Variants in KCNH5 observed in about 807,000 individuals in gnomAD.
KCNH5 encodes potassium voltage-gated channel subfamily H member 5.
Under a neutral mutation model 96.1 loss-of-function variants are expected in KCNH5, and 46 were observed. The ratio of observed to expected loss-of-function variants is 0.48; its 90% CI spans 0.38 to 0.61. The LOEUF (loss-of-function observed/expected upper bound fraction) is 0.61. KCNH5 is among the 20% of genes least tolerant of loss of function. KCNH5 has a pLI of 0.00. For missense variants in KCNH5, 907 were observed against 1,225.8 expected (o/e 0.74, Z 3.88); for synonymous variants, 439 against 449.8 (o/e 0.98, Z 0.30).
rs111671029 is a variant in KCNH5 at position 62,879,876 on chromosome 14, A to G, written c.1370-30024T>C. On this transcript the variant is annotated intron_variant, in intron 7 of 10. Coordinates refer to ENST00000322893, the MANE Select transcript of KCNH5 (RefSeq NM_139318.5). ...CATTATACAAAAGCAAATGTCATCC[A>G]TGTCTTCTAATCATAACACAGTCTA... Among the ~76,000 whole-genome samples the G allele has an allele frequency of 2.4e-4, 37 of 152,246 alleles. 2 individuals are homozygous for G. The highest frequency in any genetic ancestry group is 7.7e-4 in the African/African-American group (32 of 41,560).
chr14:63,038,269 C>T (rs1891759131), intron 1 of KCNH5, among the ~76,000 whole-genome samples: 1 of 152,192 alleles, frequency 6.6e-6, no homozygotes. Flanking sequence ...CGAATACTTA[C>T]TGCTATGTGC....
chr14:62,777,653 T>A (rs1030908598), intron 10 of KCNH5, among the ~76,000 whole-genome samples: 1 of 152,188 alleles, frequency 6.6e-6, no homozygotes, highest in Non-Finnish European at 1.5e-5. Context: ...ACACCAGTTA[T>A]AACAGGAAAC....
intron 7 of KCNH5, among the ~76,000 whole-genome samples, chr14:62,923,749 G>GA (rs1344696902): frequency 6.6e-6 from 1 of 151,824 alleles, no homozygotes; most frequent in African/African-American, 2.4e-5. Context: ...ATTGTTTTGG[G>GA]AAAACTAGTT....
In KCNH5 at chr14:62,760,237, A is replaced by C. The variant is rs553990231; in HGVS notation, c.2019+19491T>G. On this transcript the variant is annotated intron_variant, in intron 10 of 10. Transcript: ENST00000322893. ...GCACTAGGAAACACTCTTTTTTCAC[A>C]CGAGAATGAGTACATAACTTCCTAT... Among the ~76,000 whole-genome samples the C allele has an allele frequency of 2.1e-4, 32 of 152,166 alleles. No individual in the cohort carries two copies. In the South Asian group the frequency reaches 6.6e-3, roughly 32 times the overall value.
At chr14:62,823,371 G>A (rs138300110) in intron 8 of KCNH5, among the ~76,000 whole-genome samples, 1 of 152,096 alleles carries the variant, frequency 6.6e-6, no homozygotes, top group Admixed American at 6.6e-5. Flanking sequence ...AAGCTCATAC[G>A]TTGCCCTGAT....
At chr14:62,754,064 T>C (rs1218782680) in intron 10 of KCNH5, among the ~76,000 whole-genome samples, 1 of 152,122 alleles carries the variant, frequency 6.6e-6, no homozygotes, top group Non-Finnish European at 1.5e-5. Context: ...TACAATAATA[T>C]ATAAAATAGA....
Position 62,860,341 on chromosome 14 carries a change from T to G in KCNH5, c.1370-10489A>C, listed in dbSNP as rs183559015. 3.4e-3 allele frequency among the ~76,000 whole-genome samples: 523 copies of G among 152,352 alleles called. 1 individual carries two copies. The highest frequency in any genetic ancestry group is 6.1e-3 in the Non-Finnish European group (413 of 68,034). ...AGCACCATTGGATCTGCTCAGTCAC[T>G]AAGTAAATTCATTTTCTTTATTCTC... On this transcript the variant is annotated intron_variant, in intron 7 of 10. Coordinates refer to ENST00000322893, the MANE Select transcript of KCNH5 (RefSeq NM_139318.5).
At chr14:62,961,777 G>A (rs573277559) in intron 6 of KCNH5, among the ~76,000 whole-genome samples, 2 of 152,190 alleles carry the variant, frequency 1.3e-5, no homozygotes, top group South Asian at 4.2e-4. Context: ...TGGGGATGCT[G>A]ATGGAGATGG....
chr14:63,004,595 A>G (rs1891091258), intron 3 of KCNH5, among the ~76,000 whole-genome samples: 2 of 152,222 alleles, frequency 1.3e-5, no homozygotes, highest in South Asian at 4.1e-4. Context: ...CAGAAATTCC[A>G]CTAAGATATT....
intron 10 of KCNH5, among the ~76,000 whole-genome samples, chr14:62,713,672 C>T (rs1884621094): frequency 6.6e-6 from 1 of 152,208 alleles, no homozygotes. Flanking sequence ...CTACCACCAG[C>T]TGATCCATAT....
intron 10 of KCNH5, among the ~76,000 whole-genome samples, chr14:62,743,762 C>G (rs1885321191): frequency 1.3e-5 from 2 of 152,022 alleles, no homozygotes; most frequent in Admixed American, 1.3e-4. Flanking sequence ...ATCTCTGGAT[C>G]TGTTCTACCC....
chr14:62,896,742 C>T (rs1888821320), intron 7 of KCNH5, among the ~76,000 whole-genome samples: 1 of 152,034 alleles, frequency 6.6e-6, no homozygotes, highest in South Asian at 2.1e-4. Context: ...TCACAGGTAG[C>T]CCTTTGTTGA....
chr14:62,714,631 AT>A (rs560560521), intron 10 of KCNH5, among the ~76,000 whole-genome samples: 4 of 152,280 alleles, frequency 2.6e-5, no homozygotes, highest in East Asian at 3.9e-4. Context: ...GAAAACAAGC[AT>A]TTTTTTAAAC....
chr14:62,844,246 A>C (rs73274776), intron 8 of KCNH5, among the ~76,000 whole-genome samples: 1 of 152,134 alleles, frequency 6.6e-6, no homozygotes, highest in Non-Finnish European at 1.5e-5. Flanking sequence ...AGAAAAAAGT[A>C]AGATATTGGA....
chr14:62,757,601 AC>A (rs1388685434), intron 10 of KCNH5, among the ~76,000 whole-genome samples: 4 of 151,672 alleles, frequency 2.6e-5, no homozygotes, highest in African/African-American at 9.7e-5. Flanking sequence ...ACAATGTAGT[AC>A]TATTCAGCCA....
intron 1 of KCNH5, among the ~76,000 whole-genome samples, chr14:63,018,589 T>G (rs923793324): frequency 6.6e-6 from 1 of 151,768 alleles, no homozygotes; most frequent in Non-Finnish European, 1.5e-5. Flanking sequence ...GGCCATGCAT[T>G]AGGAGTAAGA....
At chr14:62,782,626 C>T (rs372809724) in intron 9 of KCNH5, among the ~76,000 whole-genome samples, 7 of 152,088 alleles carry the variant, frequency 4.6e-5, no homozygotes, top group South Asian at 2.1e-4. Flanking sequence ...CTGGCTAACA[C>T]GGTGAAACAC....
intron 2 of KCNH5, among the ~76,000 whole-genome samples, chr14:63,011,918 T>C (rs1235280856): frequency 6.6e-6 from 1 of 152,196 alleles, no homozygotes; most frequent in Non-Finnish European, 1.5e-5. Flanking sequence ...TTGATGGGGT[T>C]GGATAAGGGA....
chr14:62,926,362 A>G (rs1287485759), intron 7 of KCNH5, among the ~76,000 whole-genome samples: 3 of 152,132 alleles, frequency 2.0e-5, no homozygotes, highest in African/African-American at 7.2e-5. Flanking sequence ...TTTTCCATGC[A>G]ACTTAGGAAA....
Sources: gnomAD v4.1 joint callset for allele counts (sites outside exome capture counted in the v4.1 genomes callset) on GRCh38, gnomAD v4.1.1 for gene constraint, MANE v1.5 for transcripts, NCBI Gene and HGNC (gene_info 2026-07-23, HGNC 2026-07-21) for gene names.